RNF220: variants seen among roughly 807,000 people sequenced by gnomAD.
The protein encoded by RNF220 is E3 ubiquitin-protein ligase RNF220.
RNF220 carries 7 observed loss-of-function variants against 67.1 expected under a neutral mutation model. The ratio of observed to expected loss-of-function variants is 0.10; its 90% CI spans 0.06 to 0.20. The LOEUF is 0.20. Among genes scored for constraint, RNF220 ranks in the 10% least tolerant of loss-of-function variants. RNF220 has a pLI of 1.00. For missense variants in RNF220, 565 were observed against 740.3 expected, an observed-to-expected ratio of 0.76 and a Z score of 2.75; for synonymous variants, 270 against 283.2, an observed-to-expected ratio of 0.95 and a Z score of 0.47.
At chr1:44,512,655 A>G (rs1158655717) in intron 2 of RNF220, among the ~76,000 whole-genome samples, 2 of 152,206 alleles carry the variant, frequency 1.3e-5, no homozygotes, top group Non-Finnish European at 2.9e-5. Context: ...TTGCCAGCTA[A>G]TGAGGAAAGA....
chr1:44,644,837 A>G, intron 9 of RNF220, 43 bp downstream of exon 9: 2 of 1,560,544 alleles, frequency 1.3e-6, no homozygotes, highest in Non-Finnish European at 1.8e-6. Context: ...CTGATAGGGC[A>G]GGCACAGGGA....
intron 2 of RNF220, among the ~76,000 whole-genome samples, chr1:44,464,067 T>C (rs1226954105): frequency 6.6e-6 from 1 of 152,246 alleles, no homozygotes; most frequent in Non-Finnish European, 1.5e-5. Flanking sequence ...CTATGAACAG[T>C]TGCAGAAAAT....
At chr1:44,465,302 C>T (rs1177804344) in intron 2 of RNF220, among the ~76,000 whole-genome samples, 2 of 151,938 alleles carry the variant, frequency 1.3e-5, no homozygotes, top group Non-Finnish European at 2.9e-5. Context: ...CACAATAATC[C>T]TTCCCAATCC....
intron 2 of RNF220, among the ~76,000 whole-genome samples, chr1:44,475,336 C>T (rs537305436): frequency 5.9e-5 from 9 of 151,804 alleles, no homozygotes; most frequent in Admixed American, 1.3e-4. Flanking sequence ...TTTGGGAGGC[C>T]GAGGCGGGCG....
chr1:44,519,509 C>G (rs563586276), intron 2 of RNF220, among the ~76,000 whole-genome samples: 2 of 152,100 alleles, frequency 1.3e-5, no homozygotes, highest in Non-Finnish European at 2.9e-5. Flanking sequence ...TAGGTGCTAG[C>G]CAGACTGAAA....
intron 2 of RNF220, among the ~76,000 whole-genome samples, chr1:44,422,075 C>T (rs1649285017): frequency 6.6e-6 from 1 of 152,224 alleles, no homozygotes; most frequent in South Asian, 2.1e-4. Flanking sequence ...TCTCTGTCCT[C>T]AGCCCTTCCC....
intron 5 of RNF220, among the ~76,000 whole-genome samples, chr1:44,630,407 C>T (rs902267005): frequency 1.1e-4 from 17 of 152,236 alleles, no homozygotes; most frequent in African/African-American, 3.6e-4. Context: ...AGAATTAGGA[C>T]TTGAACTTGA....
chr1:44,577,036 T>G (rs1279408851), intron 2 of RNF220, among the ~76,000 whole-genome samples: 2 of 152,152 alleles, frequency 1.3e-5, no homozygotes, highest in Non-Finnish European at 2.9e-5. Flanking sequence ...ATATCCAAGG[T>G]CTTGTTAGAA....
chr1:44,570,805 G>A (rs1449257606), intron 2 of RNF220, among the ~76,000 whole-genome samples: 3 of 152,194 alleles, frequency 2.0e-5, no homozygotes, highest in Non-Finnish European at 4.4e-5. Flanking sequence ...CGAGTGTGGT[G>A]TCTCACACCT....
chr1:44,522,990 G>A (rs565142561), intron 2 of RNF220, among the ~76,000 whole-genome samples: 1 of 152,318 alleles, frequency 6.6e-6, no homozygotes, highest in South Asian at 2.1e-4. Context: ...AGCAGCTTTG[G>A]GTCTGGAAGG....
intron 2 of RNF220, among the ~76,000 whole-genome samples, chr1:44,437,474 C>T (rs948033838): frequency 6.6e-6 from 1 of 152,138 alleles, no homozygotes; most frequent in Non-Finnish European, 1.5e-5. Flanking sequence ...TTCCCCCACC[C>T]CACCCCGCAT....
intron 2 of RNF220, among the ~76,000 whole-genome samples, chr1:44,491,105 A>G (rs1656814907): frequency 1.3e-5 from 2 of 152,182 alleles, no homozygotes; most frequent in Admixed American, 1.3e-4. Flanking sequence ...ATTTCCCACA[A>G]AGAAAAGTCC....
intron 2 of RNF220, among the ~76,000 whole-genome samples, chr1:44,512,750 C>T (rs868200562): frequency 9.2e-5 from 14 of 152,182 alleles, no homozygotes; most frequent in Middle Eastern, 6.8e-3. Context: ...CCTGGCCAAG[C>T]GGAGGGGTGT....
intron 12 of RNF220, among the ~76,000 whole-genome samples, chr1:44,646,377 G>A (rs1362164883): frequency 1.3e-5 from 2 of 152,264 alleles, no homozygotes; most frequent in Non-Finnish European, 2.9e-5. Context: ...TCTCGGCCGG[G>A]GCCGCGAGTG....
intron 2 of RNF220, among the ~76,000 whole-genome samples, chr1:44,452,577 A>C (rs1482786770): frequency 6.6e-6 from 1 of 152,104 alleles, no homozygotes; most frequent in Non-Finnish European, 1.5e-5. Flanking sequence ...AAAATAAATA[A>C]ATAATAAACC....
chr1:44,509,096 T>G (rs188658426), intron 2 of RNF220, among the ~76,000 whole-genome samples: 1 of 152,216 alleles, frequency 6.6e-6, no homozygotes, highest in Non-Finnish European at 1.5e-5. Flanking sequence ...TCTTTTGCGT[T>G]TTCCTTTAGC....
rs117651612 is a variant in RNF220, at chr1:44,590,329, C to T, written c.626-23836C>T. Among the ~76,000 whole-genome samples, 410 of 152,312 alleles carry T rather than the reference C, an allele frequency of 2.7e-3. 14 individuals carry two copies. In the East Asian group the frequency reaches 0.071, roughly 27 times the overall value. On this transcript the variant is annotated intron_variant, in intron 2 of 14. Transcript: ENST00000361799. The stretch of plus-strand genomic sequence containing the variant: ...GGAGGGGCTGAAATCCTTCCTCCAT[C>T]CAACTTTGCTACTACTGTGTCCCCC...
At chr1:44,554,487 TTCATAC>T (rs1662913611) in intron 2 of RNF220, among the ~76,000 whole-genome samples, 1 of 152,028 alleles carries the variant, frequency 6.6e-6, no homozygotes. Flanking sequence ...CTCTGATGTA[TTCATAC>T]TCAATAAAGC....
At chr1:44,502,249 G>GTTCTGGGAGTCCCAGTGTA (rs1013514024) in intron 2 of RNF220, among the ~76,000 whole-genome samples, 5 of 152,060 alleles carry the variant, frequency 3.3e-5, no homozygotes, top group African/African-American at 7.2e-5. Context: ...ATGATCCAGT[G>GTTCTGGGAGTCCCAGTGTA]TTCTGGGAGT....
Sources: allele counts gnomAD v4.1 joint callset (sites outside exome capture counted in the v4.1 genomes callset), GRCh38; gene constraint gnomAD v4.1.1; transcripts MANE v1.5; gene names NCBI Gene and HGNC (gene_info 2026-07-23, HGNC 2026-07-21).